Variants in LARS2 observed in about 807,000 individuals in gnomAD.
LARS2 encodes the protein leucine--tRNA ligase, mitochondrial.
A neutral mutation model predicts 116.6 loss-of-function variants in LARS2; 81 were observed. The observed-to-expected ratio is 0.69, with a 90% CI of 0.58 to 0.84. LARS2 has a LOEUF of 0.84. LARS2 is among the 40% of genes least tolerant of loss of function. The pLI, the probability that LARS2 is intolerant of heterozygous loss-of-function variation, is 0.00. For synonymous variants in LARS2, 396 were observed against 407.2 expected (o/e 0.97, Z 0.33); for missense variants, 968 against 1,114.5 (o/e 0.87, Z 1.87).
intron 6 of LARS2, among the ~76,000 whole-genome samples, chr3:45,435,582 T>C (rs1011585098): frequency 2.6e-5 from 4 of 152,164 alleles, no homozygotes; most frequent in African/African-American, 9.6e-5. Context: ...TCTTTTTTTA[T>C]TTTTTCCTTC....
chr3:45,396,179 A>G (rs1698040402), intron 3 of LARS2, among the ~76,000 whole-genome samples: 1 of 152,212 alleles, frequency 6.6e-6, no homozygotes, highest in Non-Finnish European at 1.5e-5. Context: ...TGTTTTAGCA[A>G]TTGGGGAGAT....
At chr3:45,546,945 C>G (rs1700884581) in intron 21 of LARS2, among the ~76,000 whole-genome samples, 1 of 152,226 alleles carries the variant, frequency 6.6e-6, no homozygotes, top group African/African-American at 2.4e-5. Flanking sequence ...ACAGCTCACT[C>G]TAACCTGGAT....
intron 6 of LARS2, among the ~76,000 whole-genome samples, chr3:45,445,794 G>A (rs1412102891): frequency 6.6e-6 from 1 of 152,212 alleles, no homozygotes; most frequent in Non-Finnish European, 1.5e-5. Context: ...GGGCACAGAT[G>A]TTTACCTGAC....
chr3:45,404,190 G>C (rs942995385), intron 4 of LARS2, among the ~76,000 whole-genome samples: 4 of 152,182 alleles, frequency 2.6e-5, no homozygotes, highest in African/African-American at 9.7e-5. Context: ...GATACCTAAG[G>C]TTGTCTTTTT....
intron 17 of LARS2, among the ~76,000 whole-genome samples, chr3:45,516,522 C>T (rs1183138398): frequency 6.6e-6 from 1 of 152,166 alleles, no homozygotes; most frequent in Non-Finnish European, 1.5e-5. Context: ...TCCGCCCATG[C>T]CTGCTGACAC....
intron 15 of LARS2, among the ~76,000 whole-genome samples, chr3:45,512,360 T>C (rs1419542275): frequency 6.6e-6 from 1 of 152,226 alleles, no homozygotes; most frequent in Non-Finnish European, 1.5e-5. Context: ...ATCAGGCAGA[T>C]TCTTAAGAAT....
At chr3:45,466,571 C>A (rs951965168) in intron 8 of LARS2, among the ~76,000 whole-genome samples, 1 of 152,222 alleles carries the variant, frequency 6.6e-6, no homozygotes, top group Middle Eastern at 3.4e-3. Context: ...TCACTCCTTC[C>A]CAGGGGGCTG....
intron 4 of LARS2, among the ~76,000 whole-genome samples, chr3:45,416,808 C>T (rs544005955): frequency 6.6e-6 from 1 of 152,284 alleles, no homozygotes; most frequent in South Asian, 2.1e-4. Context: ...GGCACAGTGG[C>T]TCACGCCTGT....
At chr3:45,415,931 T>A (rs149551216) in intron 4 of LARS2, among the ~76,000 whole-genome samples, 19 of 144,814 alleles carry the variant, frequency 1.3e-4, no homozygotes, top group African/African-American at 4.6e-4. Flanking sequence ...AGAGGCTATT[T>A]TAGAAATTAG....
intron 7 of LARS2, among the ~76,000 whole-genome samples, chr3:45,458,231 G>C (rs1474146545): frequency 6.6e-6 from 1 of 152,010 alleles, no homozygotes; most frequent in Non-Finnish European, 1.5e-5. Flanking sequence ...ATCCTTAAAG[G>C]CTTCCTTCCC....
At chr3:45,507,833 A>G (rs1183754124) in intron 15 of LARS2, among the ~76,000 whole-genome samples, 1 of 152,044 alleles carries the variant, frequency 6.6e-6, no homozygotes, top group Non-Finnish European at 1.5e-5. Flanking sequence ...TTTTTTCCAG[A>G]TTTTTTACAA....
chr3:45,405,602 T>A (rs1446421831), intron 4 of LARS2, among the ~76,000 whole-genome samples: 1 of 152,190 alleles, frequency 6.6e-6, no homozygotes, highest in Non-Finnish European at 1.5e-5. Flanking sequence ...TTCTAGATGA[T>A]TACTTGACAT....
At chr3:45,423,895 C>CT (rs1340089510) in intron 6 of LARS2, among the ~76,000 whole-genome samples, 3 of 152,112 alleles carry the variant, frequency 2.0e-5, no homozygotes, top group Non-Finnish European at 4.4e-5. Flanking sequence ...CATTCATTAT[C>CT]TTTTTTCTTT....
chr3:45,491,579 A>G lies in LARS2; in HGVS notation c.1302A>G (p.Arg434=), dbSNP rs774454500. The part of the protein sequence containing the change: ...LALTQKARGK[R]VGGDVTSDKL... ...TGACTCAGAAAGCCCGGGGGAAGAG[A>G]GTGGGTGGAGACGTGACAAGTGATA... Residue 434 remains arginine (R), a synonymous_variant, in exon 13 of 22, where the codon AGA becomes AGG. Transcript: ENST00000645846. 2 of 1,614,014 alleles carry G rather than the reference A, an allele frequency of 1.2e-6. No individual in the cohort carries two copies. Among genetic ancestry groups the G allele is most frequent in the Non-Finnish European group, 1.7e-6 (2 of 1,179,986 alleles).
chr3:45,424,731 T>C (rs9809206), intron 6 of LARS2, among the ~76,000 whole-genome samples: 133,703 of 152,184 alleles, frequency 0.88, 61,294 homozygotes, highest in East Asian at 1. Flanking sequence ...TGTATCTCAG[T>C]GTCAATTTGT....
intron 15 of LARS2, among the ~76,000 whole-genome samples, chr3:45,511,637 G>T (rs1293554103): frequency 6.6e-6 from 1 of 152,024 alleles, no homozygotes; most frequent in African/African-American, 2.4e-5. Flanking sequence ...AACAGCTGGG[G>T]TTAGTCAGTT....
intron 7 of LARS2, among the ~76,000 whole-genome samples, chr3:45,453,908 G>C (rs1699175433): frequency 6.6e-6 from 1 of 152,094 alleles, no homozygotes; most frequent in African/African-American, 2.4e-5. Flanking sequence ...GAGAGAGGCG[G>C]GGAAAACAAT....
chr3:45,400,269 C>G lies in LARS2; in HGVS notation c.259C>G (p.Leu87Val), dbSNP rs1389047908. 6.2e-7 allele frequency: 1 copy of G among 1,612,484 alleles called. No homozygotes were observed. The highest frequency in any genetic ancestry group is 8.5e-7 in the Non-Finnish European group (1 of 1,179,554). The stretch of plus-strand genomic sequence containing the variant: ...GAAATCGAAGCCAAAATTTTACGTG[C>G]TTTCCATGTTCCCTTATCCTTCTGG... ...ADKSKPKFYV[L>V]SMFPYPSGKL... is the part of the protein sequence containing the mutation. The change falls in exon 4 of 22, where the codon CTT becomes GTT. Residue 87 changes from leucine to valine, a missense_variant. Transcript: ENST00000645846.
intron 8 of LARS2, among the ~76,000 whole-genome samples, chr3:45,469,001 G>A (rs1699478901): frequency 6.6e-6 from 1 of 152,164 alleles, no homozygotes; most frequent in Non-Finnish European, 1.5e-5. Context: ...GCACTTGTAT[G>A]TGTGGCTGCT....
Sources: allele counts gnomAD v4.1 joint callset (sites outside exome capture counted in the v4.1 genomes callset), GRCh38; gene constraint gnomAD v4.1.1; transcripts MANE v1.5; gene names NCBI Gene and HGNC (gene_info 2026-07-23, HGNC 2026-07-21).